ABTB3: variants seen among roughly 807,000 people sequenced by gnomAD.
The protein encoded by ABTB3 is ankyrin repeat and BTB domain containing 3, also known as ankyrin repeat- and BTB/POZ domain-containing protein 3.
At chr12:107,473,771 A>T in the ABTB3 span, among the ~76,000 whole-genome samples, 21 of 150,238 alleles carry the variant, frequency 1.4e-4, 1 homozygote, top group East Asian at 4.0e-3. Context: ...ATATTCTACA[A>T]GTGACTGGGC....
chr12:107,534,174 C>T, the ABTB3 span, among the ~76,000 whole-genome samples: 29 of 150,382 alleles, frequency 1.9e-4, no homozygotes, highest in South Asian at 1.9e-3. Context: ...ATAGCCACTT[C>T]GTTCCAGCCT....
At chr12:107,555,677 C>G in the ABTB3 span, among the ~76,000 whole-genome samples, 1 of 152,210 alleles carries the variant, frequency 6.6e-6, no homozygotes, top group Admixed American at 6.5e-5. Context: ...TAAATTGATT[C>G]AAATTAAATA....
chr12:107,554,479 T>A, the ABTB3 span, among the ~76,000 whole-genome samples: 2,558 of 152,292 alleles, frequency 0.017, 37 homozygotes, highest in South Asian at 0.041. Context: ...AAATGGAAGA[T>A]AATCATAGAA....
At chr12:107,436,339 G>C in the ABTB3 span, among the ~76,000 whole-genome samples, 1 of 152,226 alleles carries the variant, frequency 6.6e-6, no homozygotes, top group Admixed American at 6.5e-5. Flanking sequence ...TCAGGTGACA[G>C]ATGCCTAAGA....
the ABTB3 span, among the ~76,000 whole-genome samples, chr12:107,458,955 C>A: frequency 3.9e-5 from 6 of 152,312 alleles, no homozygotes; most frequent in Admixed American, 1.3e-4. Context: ...ACTCTAAGGC[C>A]TTTGAGAACA....
At chr12:107,659,203 C>G in the ABTB3 span, 4 of 152,210 alleles carry the variant, frequency 2.6e-5, no homozygotes, top group Non-Finnish European at 4.4e-5. Flanking sequence ...TTCTGTTGTA[C>G]GAGCTCCCTG....
the ABTB3 span, among the ~76,000 whole-genome samples, chr12:107,479,642 A>C: frequency 6.6e-6 from 1 of 151,886 alleles, no homozygotes; most frequent in African/African-American, 2.4e-5. Context: ...TTATCATTTC[A>C]CCTTAGCCCT....
chr12:107,582,564 G>A, the ABTB3 span, among the ~76,000 whole-genome samples: 4 of 152,166 alleles, frequency 2.6e-5, no homozygotes, highest in African/African-American at 7.2e-5. Context: ...GCGAGGGAAC[G>A]GTCATTCACT....
At chr12:107,320,088 G>C in the ABTB3 span, 1 of 1,439,710 alleles carries the variant, frequency 6.9e-7, no homozygotes, top group Non-Finnish European at 9.2e-7. Context: ...AAGTGTCTGC[G>C]CGGGTGCCAC....
the ABTB3 span, among the ~76,000 whole-genome samples, chr12:107,363,531 A>G: frequency 5.9e-5 from 9 of 152,232 alleles, no homozygotes; most frequent in South Asian, 2.1e-4. Flanking sequence ...GTTGCCCTTT[A>G]GGGTGTAAAC....
the ABTB3 span, among the ~76,000 whole-genome samples, chr12:107,510,873 C>T: frequency 1.2e-4 from 19 of 152,004 alleles, no homozygotes; most frequent in East Asian, 2.9e-3. Context: ...AGTGAGCCGA[C>T]GTCAGGCCAC....
At chr12:107,347,761 C>T in the ABTB3 span, among the ~76,000 whole-genome samples, 84 of 152,188 alleles carry the variant, frequency 5.5e-4, no homozygotes, top group Admixed American at 2.2e-3. Context: ...TGGGAAGAAT[C>T]CCACCCCTTG....
chr12:107,640,456 G>A, the ABTB3 span: 5 of 1,269,294 alleles, frequency 3.9e-6, no homozygotes, highest in East Asian at 7.3e-5. Context: ...TATGACTTTG[G>A]CTGTTGCTAT....
chr12:107,413,652 T>A, the ABTB3 span, among the ~76,000 whole-genome samples: 17 of 152,388 alleles, frequency 1.1e-4, no homozygotes, highest in South Asian at 3.5e-3. Flanking sequence ...GGAAGATTTT[T>A]AACAGCGATT....
chr12:107,328,912 C>T, the ABTB3 span, among the ~76,000 whole-genome samples: 29 of 152,222 alleles, frequency 1.9e-4, no homozygotes, highest in African/African-American at 6.5e-4. Flanking sequence ...ATTGTCCTTG[C>T]GCATAATATG....
chr12:107,319,290 G>C, the ABTB3 span: 3 of 1,544,604 alleles, frequency 1.9e-6, no homozygotes, highest in Non-Finnish European at 2.6e-6. Flanking sequence ...CCCCGGGCAG[G>C]CCCGGCGGTC....
the ABTB3 span, among the ~76,000 whole-genome samples, chr12:107,516,629 T>C: frequency 2.6e-5 from 4 of 152,152 alleles, no homozygotes; most frequent in East Asian, 5.8e-4. Flanking sequence ...AGGTGAAATA[T>C]TTAGGAGAAA....
the ABTB3 span, among the ~76,000 whole-genome samples, chr12:107,461,572 A>G: frequency 2.1e-4 from 19 of 88,860 alleles, no homozygotes; most frequent in Non-Finnish European, 4.2e-4. Context: ...CACTGTTTTA[A>G]GCCACCCAGG....
chr12:107,353,264 G>T, the ABTB3 span, among the ~76,000 whole-genome samples: 1 of 152,170 alleles, frequency 6.6e-6, no homozygotes, highest in Non-Finnish European at 1.5e-5. Context: ...TGGTGGGGGG[G>T]AGATATAGAA....
Sources: allele counts gnomAD v4.1 joint callset (sites outside exome capture counted in the v4.1 genomes callset), GRCh38; gene constraint gnomAD v4.1.1; transcripts MANE v1.5; gene names NCBI Gene and HGNC (gene_info 2026-07-23, HGNC 2026-07-21).